PPIP5K2: variants seen among roughly 807,000 people sequenced by gnomAD.
PPIP5K2 encodes the protein diphosphoinositol pentakisphosphate kinase 2.
In PPIP5K2, 105 loss-of-function variants were observed where a neutral mutation model predicts 154.6. That is an observed-to-expected ratio of 0.68 (90% CI 0.58 to 0.80). The LOEUF (loss-of-function observed/expected upper bound fraction) is 0.80, where lower values mean the gene tolerates loss of function less well. Among genes scored for constraint, PPIP5K2 ranks in the 30% least tolerant of loss-of-function variants. The pLI, the probability that PPIP5K2 is intolerant of heterozygous loss-of-function variation, is 0.00. For synonymous variants in PPIP5K2, 480 were observed against 490.3 expected (o/e 0.98, Z 0.28); for missense variants, 992 against 1,504.6 (o/e 0.66, Z 5.64).
At chr5:103,181,153 A>G (rs1554222737) in intron 24 of PPIP5K2, among the ~76,000 whole-genome samples, 2 of 152,114 alleles carry the variant, frequency 1.3e-5, no homozygotes, top group Non-Finnish European at 2.9e-5. Flanking sequence ...GCACCTGTAT[A>G]CATTTTTAAT....
At chr5:103,167,417 CCT>C in intron 18 of PPIP5K2, 97 bp downstream of exon 18, 1 of 1,105,326 alleles carries the variant, frequency 9.0e-7, no homozygotes, top group Non-Finnish European at 1.2e-6. Flanking sequence ...AGAAATCAAG[CCT>C]CTCTTGAGAG....
At chr5:103,176,756 ACTTT>A (rs1798780363) in intron 21 of PPIP5K2, 4 of 575,430 alleles carry the variant, frequency 7.0e-6, no homozygotes, top group Non-Finnish European at 1.2e-5. Flanking sequence ...TATAGACTTT[ACTTT>A]GAGTAGTTTT....
At chr5:103,152,534 A>G in intron 9 of PPIP5K2, 114 bp from the exon 10 acceptor site, 4 of 607,622 alleles carry the variant, frequency 6.6e-6, no homozygotes, top group Non-Finnish European at 1.2e-5. Flanking sequence ...GTTATCTTTT[A>G]TGTGATGTAA....
intron 3 of PPIP5K2, 35 bp from the exon 4 acceptor site, chr5:103,136,697 A>T: frequency 6.6e-7 from 1 of 1,516,754 alleles, no homozygotes; most frequent in Non-Finnish European, 9.2e-7. Context: ...TTATCTTGAG[A>T]TAATACAGAA....
chr5:103,174,872 G>C (rs1278670279), intron 21 of PPIP5K2, among the ~76,000 whole-genome samples: 1 of 151,938 alleles, frequency 6.6e-6, no homozygotes, highest in Non-Finnish European at 1.5e-5. Context: ...GACAAAATCT[G>C]CCACAGTGAT....
chr5:103,199,197 G>C (rs1189381194), intron 30 of PPIP5K2, among the ~76,000 whole-genome samples: 3 of 152,080 alleles, frequency 2.0e-5, no homozygotes, highest in African/African-American at 7.2e-5. Flanking sequence ...ACTTAGAGGA[G>C]AAAAAGATTC....
Position 103,204,260 on chromosome 5 carries a change from T to C in PPIP5K2, c.*2626T>C, listed in dbSNP as rs1554231587. 6.6e-6 allele frequency: 1 copy of C among 152,226 alleles called. No individual in the cohort carries two copies. Among genetic ancestry groups the C allele is most frequent in the East Asian group, 1.9e-4 (1 of 5,198 alleles). The allele number at this position is 152,226 out of a possible 1,614,324, so 9.4% of individuals were successfully genotyped here. On this transcript the variant is annotated 3_prime_UTR_variant, in exon 31 of 31. Coordinates refer to ENST00000358359, the MANE Select transcript of PPIP5K2 (RefSeq NM_001276277.3). Reference sequence around the variant, plus strand: ...TATTTATAAGAATTTGCTTTACACATAGTGTACAGTGTTTATTAACTTTAC... The same window carrying C: ...TATTTATAAGAATTTGCTTTACACACAGTGTACAGTGTTTATTAACTTTAC...
At chr5:103,164,383 T>G (rs1796819005) in intron 17 of PPIP5K2, among the ~76,000 whole-genome samples, 1 of 152,048 alleles carries the variant, frequency 6.6e-6, no homozygotes, top group Admixed American at 6.6e-5. Flanking sequence ...ATATTTTATT[T>G]CTTCTACCTC....
rs781902656 is a variant in PPIP5K2 at position 103,153,954 on chromosome 5, AT to A, written c.1217+23del. 2.6e-6 allele frequency: 4 copies of A among 1,513,354 alleles called. No individual in the cohort carries two copies. Among genetic ancestry groups the A allele is most frequent in the Non-Finnish European group, 3.6e-6 (4 of 1,101,810 alleles). 93.7% of individuals were successfully genotyped at this position (1,513,354 alleles called of 1,614,324 possible). A position where few individuals can be genotyped will look rare whatever the true frequency, so the allele number is the denominator to read the frequency against. ...TCAGAAGTATGTTTTCAGATGAATA[AT>A]TTAACATGCATGATACAATTTTAAG... On this transcript the variant is annotated intron_variant, in intron 11 of 30. Coordinates refer to ENST00000358359, the MANE Select transcript of PPIP5K2 (RefSeq NM_001276277.3).
intron 5 of PPIP5K2, among the ~76,000 whole-genome samples, chr5:103,141,615 A>G (rs1792676463): frequency 1.3e-5 from 2 of 152,272 alleles, no homozygotes; most frequent in South Asian, 4.1e-4. Context: ...CCACGTCCCC[A>G]TCAGATTAGT....
At chr5:103,156,301 A>C (rs553417887) in intron 14 of PPIP5K2, among the ~76,000 whole-genome samples, 10 of 152,310 alleles carry the variant, frequency 6.6e-5, no homozygotes, top group Non-Finnish European at 1.3e-4. Context: ...GGCTCCTTAC[A>C]TCACCTTTTG....
At chr5:103,152,496 T>C in intron 9 of PPIP5K2, 152 bp from the exon 10 acceptor site, 1 of 541,324 alleles carries the variant, frequency 1.8e-6, no homozygotes, top group Non-Finnish European at 3.3e-6. Context: ...TGATTTTTAT[T>C]TTTTCTTGAT....
intron 11 of PPIP5K2, 119 bp downstream of exon 11, chr5:103,154,053 A>C: frequency 1.5e-6 from 1 of 647,168 alleles, no homozygotes; most frequent in Non-Finnish European, 2.5e-6. Context: ...TCTCTTGGCC[A>C]TTTATATTTA....
At chr5:103,157,249 G>A (rs1341762726) in intron 14 of PPIP5K2, among the ~76,000 whole-genome samples, 1 of 151,800 alleles carries the variant, frequency 6.6e-6, no homozygotes, top group Admixed American at 6.6e-5. Context: ...AAAGGAGTAG[G>A]TCAAAATTAA....
At position 103,207,124 on chromosome 5, in the gene PPIP5K2, G is replaced by C. The variant is rs1039401651; in HGVS notation, c.*5490G>C. On this transcript the variant is annotated 3_prime_UTR_variant, in exon 31 of 31. Coordinates refer to ENST00000358359, the MANE Select transcript of PPIP5K2 (RefSeq NM_001276277.3). ...TGAGCACCAGATACAACTCCCTCCA[G>C]AGACTGGCTGTGTTTAAATCTCATG... 33 of 152,264 alleles carry C rather than the reference G, an allele frequency of 2.2e-4. No individual in the cohort carries two copies. The highest frequency in any genetic ancestry group is 7.5e-4 in the African/African-American group (31 of 41,446). 9.4% of individuals were successfully genotyped at this position (152,264 alleles called of 1,614,324 possible).
At chr5:103,166,605 G>A (rs1797156329) in intron 17 of PPIP5K2, among the ~76,000 whole-genome samples, 1 of 151,916 alleles carries the variant, frequency 6.6e-6, no homozygotes. Context: ...ACAGACCTTA[G>A]GTTGAGAAAT....
intron 3 of PPIP5K2, among the ~76,000 whole-genome samples, chr5:103,134,121 G>A (rs1167448242): frequency 2.6e-5 from 4 of 151,950 alleles, no homozygotes; most frequent in African/African-American, 9.7e-5. Flanking sequence ...AATACTTTAA[G>A]CCCCTTTCTA....
chr5:103,137,665 A>T (rs1187329112), intron 4 of PPIP5K2, among the ~76,000 whole-genome samples: 1 of 152,142 alleles, frequency 6.6e-6, no homozygotes, highest in African/African-American at 2.4e-5. Flanking sequence ...TTGTTTTACC[A>T]TTACAATATG....
In PPIP5K2 at chr5:103,204,565, C is replaced by T. The variant is rs1348838099; in HGVS notation, c.*2931C>T. On this transcript the variant is annotated 3_prime_UTR_variant, in exon 31 of 31. Coordinates refer to ENST00000358359, the MANE Select transcript of PPIP5K2 (RefSeq NM_001276277.3). ...GCTCAAGAAATCTTTCTGCTTCAGCCTCCTAAATAGCTGGTACTATAGGTG... is the reference window on the plus strand; with the variant it reads ...GCTCAAGAAATCTTTCTGCTTCAGCTTCCTAAATAGCTGGTACTATAGGTG... 6.6e-6 allele frequency: 1 copy of T among 152,194 alleles called. No homozygotes were observed. The highest frequency in any genetic ancestry group is 2.4e-5 in the African/African-American group (1 of 41,450). The allele number at this position is 152,194 out of a possible 1,614,324, so 9.4% of individuals were successfully genotyped here. A position where few individuals can be genotyped will look rare whatever the true frequency, so the allele number is the denominator to read the frequency against.
Sources: gnomAD v4.1 joint callset for allele counts (sites outside exome capture counted in the v4.1 genomes callset) on GRCh38, gnomAD v4.1.1 for gene constraint, MANE v1.5 for transcripts, NCBI Gene and HGNC (gene_info 2026-07-23, HGNC 2026-07-21) for gene names.